The following PCDHGA8 variants were observed in gnomAD, a reference collection of about 807,000 sequenced individuals.
The protein encoded by PCDHGA8 is protocadherin gamma subfamily A, 8, also known as protocadherin gamma-A8.
In PCDHGA8, 45 loss-of-function variants were observed where a neutral mutation model predicts 59.2. That is an observed-to-expected ratio of 0.76 (90% CI 0.60 to 0.98). The LOEUF is 0.98. Among genes scored for constraint, PCDHGA8 ranks in the 50% least tolerant of loss-of-function variants. PCDHGA8 has a pLI of 0.00. For synonymous variants in PCDHGA8, 531 were observed against 519.0 expected (o/e 1.02, Z -0.32); for missense variants, 1,257 against 1,196.2 (o/e 1.05, Z -0.75).
At chr5:141,451,703 A>C (rs975120935) in intron 1 of PCDHGA8, among the ~76,000 whole-genome samples, 2 of 152,144 alleles carry the variant, frequency 1.3e-5, no homozygotes, top group Non-Finnish European at 2.9e-5. Context: ...GTAACATGAC[A>C]AAACCCTGCC....
At chr5:141,415,686 G>A in intron 1 of PCDHGA8, 2 of 1,535,424 alleles carry the variant, frequency 1.3e-6, no homozygotes, top group Non-Finnish European at 1.8e-6. Context: ...GCGGCATGAT[G>A]GTGGAAAGTG....
At chr5:141,436,425 G>A (rs2097823674) in intron 1 of PCDHGA8, among the ~76,000 whole-genome samples, 2 of 152,268 alleles carry the variant, frequency 1.3e-5, no homozygotes, top group Non-Finnish European at 2.9e-5. Context: ...AACAAATAAT[G>A]TACTCTGGGG....
At chr5:141,397,569 G>A (rs996927698) in intron 1 of PCDHGA8, among the ~76,000 whole-genome samples, 2 of 152,162 alleles carry the variant, frequency 1.3e-5, no homozygotes, top group Non-Finnish European at 2.9e-5. Context: ...CTGAGAGCAA[G>A]AACTGTATCA....
At position 141,431,850 on chromosome 5, in the gene PCDHGA8, C is replaced by T; in HGVS notation, c.2424+36613C>T. On this transcript the variant is annotated intron_variant, in intron 1 of 3. Transcript: ENST00000398604. The surrounding 1 kb of genome is among the most constrained non-coding windows in gnomAD (Gnocchi z 4.8). ...GTTCCCGAAAACTCTCCCAGAGGGA[C>T]ATTAATTGCCCTTTTAAATGTAAAT... The T allele has an allele frequency of 1.9e-6, 3 of 1,614,234 alleles. No homozygotes were observed. The highest frequency in any genetic ancestry group is 2.2e-5 in the South Asian group (2 of 91,090).
At chr5:141,481,747 T>A (rs1319673737) in intron 1 of PCDHGA8, among the ~76,000 whole-genome samples, 3 of 151,684 alleles carry the variant, frequency 2.0e-5, no homozygotes, top group African/African-American at 7.3e-5. Flanking sequence ...AGGTCAGGAG[T>A]CCAAGACCAG....
At position 141,477,806 on chromosome 5, in the gene PCDHGA8, G is replaced by GC; in HGVS notation, c.2425-16995dup. Reference sequence around the variant, plus strand: ...ATTTGTCACTGATCGCAATGACAATGCCCCCCAGGTCCTATATCCTCGGCC... The same window carrying GC: ...ATTTGTCACTGATCGCAATGACAATGCCCCCCCAGGTCCTATATCCTCGGCC... On this transcript the variant is annotated intron_variant, in intron 1 of 3. Transcript: ENST00000398604. This position sits in a 1 kb window ranked among gnomAD's most constrained non-coding sequence, Gnocchi z 4.9. 1 of 1,614,114 alleles carries GC rather than the reference G, an allele frequency of 6.2e-7. No homozygotes were observed.
intron 1 of PCDHGA8, chr5:141,398,743 A>G: frequency 6.2e-7 from 1 of 1,613,864 alleles, no homozygotes; most frequent in Non-Finnish European, 8.5e-7. Flanking sequence ...GGAACAACAG[A>G]GTTACCATCG....
Position 141,504,710 on chromosome 5 carries a change from G to A in PCDHGA8, c.2484-683G>A, listed in dbSNP as rs528205869. The stretch of plus-strand genomic sequence containing the variant: ...AGGAGGGGCAGGTTCTTCTATGGCC[G>A]TGGATTTTACTCTGAGGGCTTAGGA... On this transcript the variant is annotated intron_variant, in intron 2 of 3. Transcript: ENST00000398604. Among the ~76,000 whole-genome samples the A allele has an allele frequency of 1.4e-4, 21 of 151,968 alleles. No homozygotes were observed. The East Asian group carries it at 3.7e-3, about 27-fold the overall frequency.
intron 3 of PCDHGA8, among the ~76,000 whole-genome samples, chr5:141,509,437 C>T (rs923580110): frequency 2.6e-5 from 4 of 152,104 alleles, no homozygotes; most frequent in African/African-American, 9.7e-5. Context: ...ACTCTTGTTT[C>T]CTCCTCTCCC....
At chr5:141,421,985 C>A (rs762388624) in intron 1 of PCDHGA8, 1 of 1,608,432 alleles carries the variant, frequency 6.2e-7, no homozygotes, top group East Asian at 2.2e-5. Flanking sequence ...GTGAGTGTTC[C>A]AGAAAACATC....
rs770623588 is a variant in PCDHGA8, at chr5:141,410,424, C to A, written c.2424+15187C>A. ...GTCAAGTCTGGACCTGTAGTTCCCC[C>A]CAACTACAGTGAGGGGACTTTGCCT... is the stretch of plus-strand genomic sequence containing the variant. On this transcript the variant is annotated intron_variant, in intron 1 of 3. Transcript: ENST00000398604. The A allele has an allele frequency of 1.1e-5, 17 of 1,613,852 alleles. No homozygotes were observed. In the East Asian group the frequency reaches 3.6e-4, roughly 34 times the overall value.
At chr5:141,417,890 G>GCCGGC (rs2096180101) in intron 1 of PCDHGA8, 1 of 1,568,496 alleles carries the variant, frequency 6.4e-7, no homozygotes, top group Non-Finnish European at 8.6e-7. Context: ...GAGGCGCCGG[G>GCCGGC]CCGGCCCGCG....
rs191844335 is a variant in PCDHGA8 at position 141,394,289 on chromosome 5, C to A, written c.1476C>A (p.Thr492=). ...ATGCCCAGGTCACTTACTCTGTGAC[C>A]GAGGACACGCTGCAGGGGGCGCCCC... ...QENAQVTYSV[T]EDTLQGAPLS... The change falls in exon 1 of 4, where the codon ACC becomes ACA. Residue 492 remains threonine (T), a synonymous_variant. Coordinates refer to ENST00000398604, the MANE Select transcript of PCDHGA8 (RefSeq NM_032088.2). The A allele has an allele frequency of 3.8e-5, 61 of 1,613,954 alleles. 1 individual carries two copies. In the African/African-American group the frequency reaches 6.0e-4, roughly 16 times the overall value.
Position 141,486,170 on chromosome 5 carries a change from C to A in PCDHGA8, c.2425-8637C>A. ...TGGGGGTTCTCCAGCCATGGAGCAACATTGCAGCCTTCGAGTGGATCTGCT... is the reference window on the plus strand; with the variant it reads ...TGGGGGTTCTCCAGCCATGGAGCAAAATTGCAGCCTTCGAGTGGATCTGCT... On this transcript the variant is annotated intron_variant, in intron 1 of 3. Coordinates refer to ENST00000398604, the MANE Select transcript of PCDHGA8 (RefSeq NM_032088.2). This position sits in a 1 kb window ranked among gnomAD's most constrained non-coding sequence, Gnocchi z 5.0. 6.2e-7 allele frequency: 1 copy of A among 1,614,234 alleles called. No homozygotes were observed. Among genetic ancestry groups the A allele is most frequent in the African/African-American group, 1.3e-5 (1 of 75,052 alleles).
At chr5:141,470,961 C>T (rs1447105252) in intron 1 of PCDHGA8, among the ~76,000 whole-genome samples, 1 of 152,036 alleles carries the variant, frequency 6.6e-6, no homozygotes, top group Non-Finnish European at 1.5e-5. Context: ...AAGTGATCCT[C>T]CCACCTCAGC....
chr5:141,428,297 T>G (rs2097131311), intron 1 of PCDHGA8: 5 of 712,160 alleles, frequency 7.0e-6, no homozygotes, highest in Non-Finnish European at 1.2e-5. Flanking sequence ...AAGCTGCAGA[T>G]TTACCTGGTC....
chr5:141,414,243 A>G (rs2154544977), intron 1 of PCDHGA8: 1 of 1,613,556 alleles, frequency 6.2e-7, no homozygotes. Context: ...TCACGTCTCT[A>G]TTTAGTCCAG....
intron 1 of PCDHGA8, among the ~76,000 whole-genome samples, chr5:141,462,763 G>A (rs935087747): frequency 2.6e-5 from 4 of 152,036 alleles, no homozygotes; most frequent in Non-Finnish European, 4.4e-5. Context: ...TTTTCTTCCT[G>A]GCTTGGGGTC....
chr5:141,398,105 G>A (rs778559832), intron 1 of PCDHGA8: 2 of 1,595,534 alleles, frequency 1.3e-6, no homozygotes, highest in East Asian at 4.5e-5. Context: ...AGGCTGGTGA[G>A]CAAGCTGAGG....
Sources: allele counts gnomAD v4.1 joint callset (sites outside exome capture counted in the v4.1 genomes callset), GRCh38; gene constraint gnomAD v4.1.1; non-coding constraint Gnocchi (gnomAD v3.1); transcripts MANE v1.5; gene names NCBI Gene and HGNC (gene_info 2026-07-23, HGNC 2026-07-21).